Variants in CPLANE1 observed in about 807,000 individuals in gnomAD.
The protein encoded by CPLANE1 is ciliogenesis and planar polarity effector complex subunit 1.
Under a neutral mutation model 362.5 loss-of-function variants are expected in CPLANE1, and 263 were observed. The observed-to-expected ratio is 0.73, with a 90% confidence interval of 0.66 to 0.80. The LOEUF is 0.80. CPLANE1 is among the 30% of genes least tolerant of loss of function. CPLANE1 has a pLI of 0.00. For synonymous variants in CPLANE1, 1,212 were observed against 1,302.6 expected (o/e 0.93, Z 1.50); for missense variants, 3,461 against 3,793.4 (o/e 0.91, Z 2.30).
chr5:37,245,479 C>T lies in CPLANE1; in HGVS notation c.337G>A (p.Ala113Thr), dbSNP rs1023404450. The change falls in exon 4 of 53, where the codon GCA (alanine) becomes ACA (threonine). Residue 113 changes from alanine to threonine, a missense_variant and splice_region_variant. By Grantham distance (58) the Ala-to-Thr change is moderately conservative (BLOSUM62 0). Coordinates refer to ENST00000651892, the MANE Select transcript of CPLANE1 (RefSeq NM_001384732.1). Reference sequence around the variant, plus strand: ...CTTAAACAAATAAAAAAATTCCCACCGACTGTAGCTTTGATCATTTCCTTA... The same window carrying T: ...CTTAAACAAATAAAAAAATTCCCACTGACTGTAGCTTTGATCATTTCCTTA... ...KPKEMIKATV[A>T]SSLRLYLYVS... is the part of the protein sequence containing the mutation. 7.6e-6 allele frequency: 11 copies of T among 1,440,434 alleles called. No homozygotes were observed. Among genetic ancestry groups the T allele is most frequent in the Admixed American group, 2.9e-5 (1 of 34,334 alleles). The allele number at this position is 1,440,434 out of a possible 1,614,324, so 89.2% of individuals were successfully genotyped here.
chr5:37,179,476 T>C, intron 28 of CPLANE1, 33 bp from the exon 29 acceptor site: 2 of 1,459,172 alleles, frequency 1.4e-6, no homozygotes, highest in Non-Finnish European at 1.9e-6. Context: ...AGAAAACTGA[T>C]CATTTAAAAA....
At chr5:37,207,604 C>T (rs952251160) in intron 16 of CPLANE1, among the ~76,000 whole-genome samples, 9 of 152,144 alleles carry the variant, frequency 5.9e-5, no homozygotes, top group African/African-American at 2.2e-4. Context: ...AATGTATATG[C>T]ATCCTGAAAC....
Position 37,182,791 on chromosome 5 carries a change from G to T in CPLANE1, c.5390C>A (p.Ala1797Asp). Residue 1797 changes from alanine (A) to aspartate (D), a missense_variant, in exon 26 of 53, where the codon GCT becomes GAT. By Grantham distance (126) the Ala-to-Asp change is moderately radical. Transcript: ENST00000651892. ...SLWLLEQPYF[A>D]TYKAKNAIIK... Reference sequence around the variant, plus strand: ...AATGGCATTTTTTGCCTTATATGTAGCAAAATAGGGTTGTTCCAAAAGCCA... The same window carrying T: ...AATGGCATTTTTTGCCTTATATGTATCAAAATAGGGTTGTTCCAAAAGCCA... 1 of 1,612,444 alleles carries T rather than the reference G, an allele frequency of 6.2e-7. No homozygotes were observed. The highest frequency in any genetic ancestry group is 8.5e-7 in the Non-Finnish European group (1 of 1,179,574).
chr5:37,217,515 G>C (rs1433900147), intron 15 of CPLANE1, among the ~76,000 whole-genome samples: 2 of 152,016 alleles, frequency 1.3e-5, no homozygotes, highest in African/African-American at 2.4e-5. Context: ...GCTGAGGCAG[G>C]AGAATCACTT....
At chr5:37,161,696 GGACACCTATGCT>G (rs1378545424) in intron 38 of CPLANE1, among the ~76,000 whole-genome samples, 1 of 152,040 alleles carries the variant, frequency 6.6e-6, no homozygotes, top group African/African-American at 2.4e-5. Flanking sequence ...TAGTAAGGGA[GGACACCTATGCT>G]ATATACTGTA....
intron 21 of CPLANE1, among the ~76,000 whole-genome samples, chr5:37,190,226 T>C (rs1580575094): frequency 6.6e-6 from 1 of 151,756 alleles, no homozygotes; most frequent in East Asian, 1.9e-4. Context: ...GTTTCCACAA[T>C]AAATAAAGGG....
chr5:37,159,588 T>C (rs1404974580), intron 38 of CPLANE1, among the ~76,000 whole-genome samples: 1 of 152,248 alleles, frequency 6.6e-6, no homozygotes, highest in Non-Finnish European at 1.5e-5. Flanking sequence ...AGTTTAACTC[T>C]GTGCCTTTTG....
rs7704088 is a variant in CPLANE1, at chr5:37,139,703, G to A, written c.8633-333C>T. ...ATGGCTGGGATTACAGGTGTGTGCC[G>A]CAATGCAGGCTAATTTTTGTATTTT... On this transcript the variant is annotated intron_variant, in intron 44 of 52. Transcript: ENST00000651892. 3.8e-3 allele frequency: 1,446 copies of A among 381,526 alleles called. 27 individuals carry two copies. Among genetic ancestry groups the A allele is most frequent in the African/African-American group, 0.028 (1,290 of 45,906 alleles). The allele number at this position is 381,526 out of a possible 1,614,324, so 23.6% of individuals were successfully genotyped here.
At chr5:37,131,710 T>C (rs1395219283) in intron 46 of CPLANE1, among the ~76,000 whole-genome samples, 1 of 152,072 alleles carries the variant, frequency 6.6e-6, no homozygotes, top group Non-Finnish European at 1.5e-5. Context: ...TTTTGTATTT[T>C]CAGTAGAGAC....
At chr5:37,136,559 G>A (rs1767767510) in intron 46 of CPLANE1, among the ~76,000 whole-genome samples, 1 of 152,212 alleles carries the variant, frequency 6.6e-6, no homozygotes, top group Admixed American at 6.5e-5. Context: ...ACTAGGCAGT[G>A]CCCCAGAAGG....
chr5:37,098,025 A>C, the CPLANE1 span, among the ~76,000 whole-genome samples: 1 of 152,194 alleles, frequency 6.6e-6, no homozygotes, highest in Non-Finnish European at 1.5e-5. Flanking sequence ...AAGCACCCAG[A>C]TATATAAAGC....
the CPLANE1 span, among the ~76,000 whole-genome samples, chr5:37,091,542 G>A: frequency 6.6e-6 from 1 of 152,084 alleles, no homozygotes; most frequent in African/African-American, 2.4e-5. Context: ...AGAAGAGGGG[G>A]AGTATGAGTA....
At chr5:37,201,865 A>G in intron 18 of CPLANE1, 57 bp from the exon 19 acceptor site, 1 of 1,229,348 alleles carries the variant, frequency 8.1e-7, no homozygotes, top group South Asian at 1.4e-5. Context: ...CTTCTTATCC[A>G]TTTTGTAGGA....
chr5:37,205,140 G>T, intron 18 of CPLANE1, 175 bp downstream of exon 18: 1 of 393,330 alleles, frequency 2.5e-6, no homozygotes, highest in Non-Finnish European at 4.1e-6. Flanking sequence ...CTGGGTGGCA[G>T]AGTAACACTC....
Position 37,245,773 on chromosome 5 carries a change from T to TAA in CPLANE1, c.153_154insTT (p.Lys52LeufsTer11). ...AAAGGCTGCAGACTAGGAATTTTCT[T>TAA]CTTTATCTTTCCTGATAGCAAATTA... On this transcript the variant is annotated frameshift_variant, in exon 3 of 53. Transcript: ENST00000651892. 6.5e-7 allele frequency: 1 copy of TAA among 1,536,756 alleles called. No homozygotes were observed. The highest frequency in any genetic ancestry group is 1.3e-5 in the South Asian group (1 of 78,966).
At chr5:37,247,851 G>C in intron 1 of CPLANE1, 106 bp from the exon 2 acceptor site, 3 of 776,270 alleles carry the variant, frequency 3.9e-6, no homozygotes, top group Non-Finnish European at 3.9e-6. Context: ...CAGCTGGAGT[G>C]CAGTGATATG....
the CPLANE1 span, among the ~76,000 whole-genome samples, chr5:37,084,665 A>C: frequency 6.6e-6 from 1 of 152,120 alleles, no homozygotes; most frequent in African/African-American, 2.4e-5. Flanking sequence ...CTGTAATCCC[A>C]GCTACTCAGG....
chr5:37,080,840 C>T, the CPLANE1 span, among the ~76,000 whole-genome samples: 1 of 152,134 alleles, frequency 6.6e-6, no homozygotes, highest in East Asian at 1.9e-4. Context: ...CCATACGATG[C>T]ACAGGGGGAA....
intron 46 of CPLANE1, chr5:37,138,464 CTT>C: frequency 1.7e-6 from 1 of 577,344 alleles, no homozygotes; most frequent in Non-Finnish European, 3.2e-6. Flanking sequence ...TCATTAATTA[CTT>C]CTAGTAAGAG....
Sources: allele counts gnomAD v4.1 joint callset (sites outside exome capture counted in the v4.1 genomes callset), GRCh38; gene constraint gnomAD v4.1.1; transcripts MANE v1.5; gene names NCBI Gene and HGNC (gene_info 2026-07-23, HGNC 2026-07-21).